SLC12A1: variants seen among roughly 807,000 people sequenced by gnomAD.
SLC12A1 encodes solute carrier family 12 member 1.
In SLC12A1, 89 loss-of-function variants were observed where a neutral mutation model predicts 130.4. The observed-to-expected ratio is 0.68, with a 90% CI of 0.58 to 0.81. The LOEUF (loss-of-function observed/expected upper bound fraction) is 0.81. Ranked by LOEUF, SLC12A1 falls within the 40% of genes least tolerant of loss-of-function variation. The pLI is 0.00. For missense variants in SLC12A1, 1,310 were observed against 1,336.4 expected, an observed-to-expected ratio of 0.98 and a Z score of 0.31; for synonymous variants, 499 against 460.0, an observed-to-expected ratio of 1.08 and a Z score of -1.09.
intron 15 of SLC12A1, among the ~76,000 whole-genome samples, chr15:48,254,418 T>A (rs759233822): frequency 2.0e-4 from 30 of 151,832 alleles, no homozygotes; most frequent in Non-Finnish European, 7.4e-5. Context: ...AATCAACACT[T>A]AATCAATATT....
chr15:48,284,703 G>A (rs2042039505), intron 20 of SLC12A1, among the ~76,000 whole-genome samples: 1 of 152,170 alleles, frequency 6.6e-6, no homozygotes, highest in Non-Finnish European at 1.5e-5. Flanking sequence ...GCAGTGGCAT[G>A]ATCATGGCTC....
chr15:48,279,308 T>G (rs1013638170), intron 20 of SLC12A1, among the ~76,000 whole-genome samples: 15 of 152,238 alleles, frequency 9.9e-5, no homozygotes, highest in Admixed American at 3.9e-4. Flanking sequence ...TTATACTATG[T>G]TAATGATTGT....
rs1342557386 is a variant in SLC12A1 at position 48,285,156 on chromosome 15, A to G, written c.2536A>G (p.Lys846Glu). ...QERLALEATI[K>E]DNECEEESGG... is the part of the protein sequence containing the mutation. Reference sequence around the variant, plus strand: ...GAGACTAGCATTGGAAGCGACTATCAAAGATAATGAGTGTGAAGAGGAAAG... The same window carrying G: ...GAGACTAGCATTGGAAGCGACTATCGAAGATAATGAGTGTGAAGAGGAAAG... The change falls in exon 21 of 27, where the codon AAA becomes GAA. Residue 846 changes from lysine (K) to glutamate (E), a missense_variant. Physicochemically the swap from Lys to Glu is moderately conservative, Grantham distance 56. Transcript: ENST00000380993. 6.2e-7 allele frequency: 1 copy of G among 1,613,524 alleles called. No individual in the cohort carries two copies. Among genetic ancestry groups the G allele is most frequent in the Non-Finnish European group, 8.5e-7 (1 of 1,179,650 alleles).
At chr15:48,302,714 C>T (rs1222172156) in intron 26 of SLC12A1, 36 bp from the exon 27 acceptor site, 2 of 1,513,978 alleles carry the variant, frequency 1.3e-6, no homozygotes, top group Non-Finnish European at 1.8e-6. Flanking sequence ...TAGTAATTTT[C>T]ACTTTCATTT....
At chr15:48,245,021 G>A in intron 11 of SLC12A1, 117 bp downstream of exon 11, 1 of 945,156 alleles carries the variant, frequency 1.1e-6, no homozygotes, top group South Asian at 1.6e-5. Flanking sequence ...AATCCAGCAT[G>A]GAATGATTCA....
At chr15:48,254,592 TAAAAAAAAAAAAAAAAAAAAAA>T (rs550686114) in intron 15 of SLC12A1, among the ~76,000 whole-genome samples, 11 of 52,890 alleles carry the variant, frequency 2.1e-4, no homozygotes, top group East Asian at 1.6e-3. Context: ...CTTAAATTCG[TAAAAAAAAAAAAAAAAAAAAAA>T]AAAAAAAAAA....
intron 14 of SLC12A1, 97 bp from the exon 15 acceptor site, chr15:48,251,518 T>C: frequency 1.0e-6 from 1 of 962,112 alleles, no homozygotes; most frequent in Non-Finnish European, 1.6e-6. Flanking sequence ...TCTGATTCTT[T>C]ATGTCAGGAA....
In SLC12A1 at chr15:48,226,961, T is replaced by A. The variant is rs2041297238; in HGVS notation, c.724+390T>A. The A allele has an allele frequency of 5.8e-6, 4 of 685,332 alleles. No individual in the cohort carries two copies. The South Asian group carries it at 7.6e-5, about 13-fold the overall frequency. The allele number at this position is 685,332 out of a possible 1,614,324, so 42.5% of individuals were successfully genotyped here. On this transcript the variant is annotated intron_variant, in intron 5 of 26. Transcript: ENST00000380993. ...CATGAAATGGGATCTTTTAGAACAT[T>A]TCAGGTTTTCACAGGGAGGTGGATC... is the stretch of plus-strand genomic sequence containing the variant.
intron 20 of SLC12A1, among the ~76,000 whole-genome samples, chr15:48,284,382 T>C (rs749123232): frequency 6.6e-6 from 1 of 152,238 alleles, no homozygotes; most frequent in Non-Finnish European, 1.5e-5. Flanking sequence ...ATACTCAGTG[T>C]ACTTCTGTAA....
rs1463584295 is a variant in SLC12A1, at chr15:48,249,652, C to T, written c.1762C>T (p.His588Tyr). The change falls in exon 14 of 27, where the codon CAT becomes TAT. Residue 588 changes from histidine to tyrosine, a missense_variant. Coordinates refer to ENST00000380993, the MANE Select transcript of SLC12A1 (RefSeq NM_000338.3). ...SYALINFSCF[H>Y]ASYAKSPGWR... ...TGCACTTATTAATTTCTCCTGCTTC[C>T]ATGCCTCTTATGCCAAATCTCCAGG... 2 of 1,613,678 alleles carry T rather than the reference C, an allele frequency of 1.2e-6. No individual in the cohort carries two copies. Among genetic ancestry groups the T allele is most frequent in the African/African-American group, 1.3e-5 (1 of 75,060 alleles).
In SLC12A1 at chr15:48,289,431, T is replaced by TATATATATATATATATATA. The variant is rs60463295; in HGVS notation, c.2873+915_2873+916insATATATATATATATATATA. Among the ~76,000 whole-genome samples the TATATATATATATATATATA allele has an allele frequency of 2.0e-4, 25 of 122,290 alleles. 1 individual carries two copies. Among genetic ancestry groups the TATATATATATATATATATA allele is most frequent in the South Asian group, 2.6e-4 (1 of 3,910 alleles). 80.2% of individuals were successfully genotyped at this position (122,290 alleles called of 152,430 possible). On this transcript the variant is annotated intron_variant, in intron 23 of 26. Transcript: ENST00000380993. Reference sequence around the variant, plus strand: ...TATATATATATATATATATATATAATGTATAACTATGTATAACTGTATAAT... The same window carrying TATATATATATATATATATA: ...TATATATATATATATATATATATAATATATATATATATATATATAGTATAACTATGTATAACTGTATAAT...
chr15:48,271,613 A>G (rs2041899885), intron 19 of SLC12A1, among the ~76,000 whole-genome samples: 1 of 152,250 alleles, frequency 6.6e-6, no homozygotes, highest in Non-Finnish European at 1.5e-5. Flanking sequence ...TACAGGCATT[A>G]CTGAACAAAC....
chr15:48,268,098 T>C (rs1455118825), intron 18 of SLC12A1, among the ~76,000 whole-genome samples: 1 of 152,240 alleles, frequency 6.6e-6, no homozygotes, highest in East Asian at 1.9e-4. Flanking sequence ...CTTTTGCAAA[T>C]GGTGTTAGGG....
At chr15:48,218,422 G>C (rs752632989) in intron 2 of SLC12A1, among the ~76,000 whole-genome samples, 15 of 152,062 alleles carry the variant, frequency 9.9e-5, no homozygotes, top group Non-Finnish European at 2.2e-4. Flanking sequence ...CAGGCTAGAA[G>C]AAGAAGACAA....
intron 7 of SLC12A1, 31 bp downstream of exon 7, chr15:48,230,534 G>A (rs1175625914): frequency 7.1e-7 from 1 of 1,406,648 alleles, no homozygotes; most frequent in Admixed American, 1.8e-5. Context: ...ATTATCAACA[G>A]TGGCTGGTCA....
chr15:48,213,493 C>A (rs570573027), intron 2 of SLC12A1, among the ~76,000 whole-genome samples: 193 of 150,794 alleles, frequency 1.3e-3, no homozygotes, highest in South Asian at 9.4e-3. Context: ...TGACCTCTTT[C>A]CTCTAGAATT....
chr15:48,300,659 GT>G (rs557057053), intron 25 of SLC12A1, among the ~76,000 whole-genome samples: 3 of 152,354 alleles, frequency 2.0e-5, no homozygotes, highest in East Asian at 1.9e-4. Context: ...TTCTGACCAA[GT>G]TTTTTCATAT....
intron 19 of SLC12A1, among the ~76,000 whole-genome samples, chr15:48,270,373 A>G (rs1171890872): frequency 6.6e-6 from 1 of 152,116 alleles, no homozygotes; most frequent in Non-Finnish European, 1.5e-5. Context: ...TTTAACATGT[A>G]TTATCTCATT....
chr15:48,215,995 C>T (rs1249974103), intron 2 of SLC12A1, among the ~76,000 whole-genome samples: 2 of 152,230 alleles, frequency 1.3e-5, no homozygotes, highest in South Asian at 2.1e-4. Context: ...ATGGAAATGG[C>T]TTCTGTGCTT....
Sources: allele counts gnomAD v4.1 joint callset (sites outside exome capture counted in the v4.1 genomes callset), GRCh38; gene constraint gnomAD v4.1.1; transcripts MANE v1.5; gene names NCBI Gene and HGNC (gene_info 2026-07-23, HGNC 2026-07-21).